Variants in UIMC1 observed in about 807,000 individuals in gnomAD.
The protein encoded by UIMC1 is BRCA1-A complex subunit RAP80.
In UIMC1, 42 loss-of-function variants were observed where a neutral mutation model predicts 84.9. The observed-to-expected ratio is 0.49, with a 90% CI of 0.39 to 0.64. The LOEUF (loss-of-function observed/expected upper bound fraction) is 0.64, where lower values mean the gene tolerates loss of function less well. Among genes scored for constraint, UIMC1 ranks in the 30% least tolerant of loss-of-function variants. The probability of loss-of-function intolerance (pLI) is 0.00; values close to 1 mark genes in which losing one functional copy is unlikely to be tolerated. For missense variants in UIMC1, 825 were observed against 847.6 expected, an observed-to-expected ratio of 0.97 and a Z score of 0.33; for synonymous variants, 281 against 293.0, an observed-to-expected ratio of 0.96 and a Z score of 0.42.
chr5:177,018,070 G>A (rs535373300), intron 1 of UIMC1, among the ~76,000 whole-genome samples: 10 of 152,114 alleles, frequency 6.6e-5, no homozygotes, highest in African/African-American at 2.4e-4. Flanking sequence ...AGAGTTTAAG[G>A]CTGGGCGTGG....
chr5:176,943,799 T>G (rs2149443813), intron 9 of UIMC1, among the ~76,000 whole-genome samples: 1 of 152,338 alleles, frequency 6.6e-6, no homozygotes, highest in Admixed American at 6.5e-5. Flanking sequence ...TATTACTCAT[T>G]TAATCTTACA....
upstream of UIMC1, among the ~76,000 whole-genome samples, chr5:177,008,816 T>C (rs1453823947): frequency 6.6e-6 from 1 of 152,294 alleles, no homozygotes; most frequent in Non-Finnish European, 1.5e-5. Context: ...ATAAAAACTC[T>C]ATGGCTTCCT....
chr5:176,976,342 T>C (rs936401886), intron 2 of UIMC1, among the ~76,000 whole-genome samples: 2 of 151,874 alleles, frequency 1.3e-5, no homozygotes. Flanking sequence ...AAAATAAAAC[T>C]GGGCAAAGGG....
chr5:177,007,539 A>T (rs538482064), upstream of UIMC1, among the ~76,000 whole-genome samples: 1 of 152,228 alleles, frequency 6.6e-6, no homozygotes, highest in African/African-American at 2.4e-5. Flanking sequence ...AAGGAATCCT[A>T]TATGTGTCAA....
At chr5:176,905,796 T>G in intron 14 of UIMC1, 1 of 636,848 alleles carries the variant, frequency 1.6e-6, no homozygotes, top group Admixed American at 3.0e-5. Flanking sequence ...AAGACATAAC[T>G]TTCACTCTGT....
chr5:176,979,815 T>C (rs1222522090), intron 2 of UIMC1, among the ~76,000 whole-genome samples: 1 of 152,126 alleles, frequency 6.6e-6, no homozygotes, highest in African/African-American at 2.4e-5. Context: ...TGGTTAATTT[T>C]AGTATCAGTT....
At position 176,908,178 on chromosome 5, in the gene UIMC1, G is replaced by C. The variant is rs144015364; in HGVS notation, c.1848+345C>G. Among the ~76,000 whole-genome samples, 18 of 151,674 alleles carry C rather than the reference G, an allele frequency of 1.2e-4. 1 individual carries two copies. In the East Asian group the frequency reaches 3.5e-3, roughly 29 times the overall value. On this transcript the variant is annotated intron_variant, in intron 12 of 14. Transcript: ENST00000511320. ...TGCATATATATTGAGAGAGAGAAGG[G>C]GGGAGAGGGAGAATAGTGTTAATTA...
intron 1 of UIMC1, among the ~76,000 whole-genome samples, chr5:176,993,125 G>T (rs1163248277): frequency 3.3e-5 from 5 of 150,184 alleles, no homozygotes; most frequent in Non-Finnish European, 7.4e-5. Flanking sequence ...GACAGGGGTT[G>T]AGCCAAGACT....
At chr5:176,973,996 G>C (rs916999577) in intron 3 of UIMC1, among the ~76,000 whole-genome samples, 9 of 152,114 alleles carry the variant, frequency 5.9e-5, no homozygotes, top group African/African-American at 2.2e-4. Context: ...AGGAGGTTGA[G>C]GCTACAGTGC....
At chr5:176,986,613 G>A (rs1187490135) in intron 1 of UIMC1, among the ~76,000 whole-genome samples, 2 of 150,168 alleles carry the variant, frequency 1.3e-5, no homozygotes, top group Admixed American at 1.3e-4. Flanking sequence ...ACCAAAGCAG[G>A]AGGATGGCTT....
chr5:177,002,706 G>A (rs1198416074), intron 1 of UIMC1, among the ~76,000 whole-genome samples: 5 of 152,154 alleles, frequency 3.3e-5, no homozygotes, highest in Non-Finnish European at 7.3e-5. Flanking sequence ...GCTGAGGCAG[G>A]AGAATGGCAT....
chr5:176,984,462 G>C (rs1288489637), intron 1 of UIMC1, among the ~76,000 whole-genome samples: 2 of 148,032 alleles, frequency 1.4e-5, no homozygotes, highest in African/African-American at 2.5e-5. Flanking sequence ...TATCGTCTGG[G>C]ATGTGAGGAG....
intron 10 of UIMC1, among the ~76,000 whole-genome samples, chr5:176,923,848 A>G (rs986859190): frequency 2.1e-5 from 3 of 140,982 alleles, no homozygotes. Flanking sequence ...TGGGCAACAG[A>G]GCAAGACTCT....
intron 1 of UIMC1, among the ~76,000 whole-genome samples, chr5:177,022,158 G>C (rs1479371494): frequency 6.6e-6 from 1 of 152,092 alleles, no homozygotes; most frequent in African/African-American, 2.4e-5. Context: ...ATAAAATTTG[G>C]GGTCTGACAG....
chr5:176,997,032 G>GCA (rs752159814), intron 1 of UIMC1, among the ~76,000 whole-genome samples: 89 of 151,458 alleles, frequency 5.9e-4, no homozygotes, highest in Non-Finnish European at 8.0e-4. Flanking sequence ...GCACGCGTGC[G>GCA]CACACACACA....
intron 6 of UIMC1, among the ~76,000 whole-genome samples, chr5:176,965,880 T>C (rs1330640967): frequency 6.6e-6 from 1 of 152,202 alleles, no homozygotes; most frequent in African/African-American, 2.4e-5. Flanking sequence ...AGCTAACAAC[T>C]TGAATTACAA....
intron 1 of UIMC1, among the ~76,000 whole-genome samples, chr5:177,015,120 A>T (rs1191094202): frequency 8.5e-5 from 13 of 152,192 alleles, no homozygotes; most frequent in Admixed American, 8.5e-4. Flanking sequence ...CTTTTGGAAT[A>T]AACTACATAG....
At chr5:177,002,579 A>G (rs1487110789) in intron 1 of UIMC1, among the ~76,000 whole-genome samples, 2 of 152,200 alleles carry the variant, frequency 1.3e-5, no homozygotes, top group African/African-American at 4.8e-5. Flanking sequence ...AGGCAGGTGG[A>G]TCACGAGGTC....
upstream of UIMC1, among the ~76,000 whole-genome samples, chr5:177,008,051 G>C (rs564382220): frequency 1.3e-4 from 20 of 149,946 alleles, no homozygotes; most frequent in South Asian, 4.2e-3. Context: ...GTTGCAGTGA[G>C]CCGAGATCAC....
Sources: gnomAD v4.1 joint callset for allele counts (sites outside exome capture counted in the v4.1 genomes callset) on GRCh38, gnomAD v4.1.1 for gene constraint, MANE v1.5 for transcripts, NCBI Gene and HGNC (gene_info 2026-07-23, HGNC 2026-07-21) for gene names.